SH3RF3: variants seen among roughly 807,000 people sequenced by gnomAD.
SH3RF3 encodes the protein E3 ubiquitin-protein ligase SH3RF3.
Under a neutral mutation model 66.3 loss-of-function variants are expected in SH3RF3, and 29 were observed. That is an observed-to-expected ratio of 0.44 (90% CI 0.33 to 0.60). SH3RF3 has a LOEUF of 0.60. Ranked by LOEUF, SH3RF3 falls within the 20% of genes least tolerant of loss-of-function variation. The probability of loss-of-function intolerance (pLI) is 0.04; values close to 1 mark genes in which losing one functional copy is unlikely to be tolerated. For synonymous variants in SH3RF3, 583 were observed against 532.0 expected, an observed-to-expected ratio of 1.10 and a Z score of -1.32; for missense variants, 1,194 against 1,190.9, an observed-to-expected ratio of 1.00 and a Z score of -0.04.
chr2:109,305,519 C>T (rs146701054), intron 1 of SH3RF3, among the ~76,000 whole-genome samples: 91 of 152,282 alleles, frequency 6.0e-4, no homozygotes, highest in African/African-American at 1.8e-3. Flanking sequence ...ACTTCCCACT[C>T]TGGGCGCAGA....
At chr2:109,384,196 C>T (rs113778276) in intron 3 of SH3RF3, among the ~76,000 whole-genome samples, 3,111 of 152,276 alleles carry the variant, frequency 0.02, 100 homozygotes, top group African/African-American at 0.071. Flanking sequence ...GCGCCGGCTG[C>T]GGGCCAGGCC....
intron 1 of SH3RF3, among the ~76,000 whole-genome samples, chr2:109,203,605 T>G (rs1377976537): frequency 1.3e-5 from 2 of 152,134 alleles, no homozygotes; most frequent in Non-Finnish European, 2.9e-5. Context: ...TTCTCCACTT[T>G]CCCTTTGCAC....
rs555798726 is a variant in SH3RF3, at chr2:109,478,844, C to T, written c.2149-11761C>T. Among the ~76,000 whole-genome samples the T allele has an allele frequency of 2.6e-5, 4 of 152,296 alleles. No homozygotes were observed. The South Asian group carries it at 8.3e-4, about 32-fold the overall frequency. ...CAGTTACTTTTGCTGCATAACAAAT[C>T]ATCTCAAAACTCAGTGGCTTAAAAC... is the stretch of plus-strand genomic sequence containing the variant. On this transcript the variant is annotated intron_variant, in intron 8 of 9. Coordinates refer to ENST00000309415, the MANE Select transcript of SH3RF3 (RefSeq NM_001099289.3).
At position 109,326,909 on chromosome 2, in the gene SH3RF3, C is replaced by T. The variant is rs189972969; in HGVS notation, c.574-20765C>T. On this transcript the variant is annotated intron_variant, in intron 1 of 9. Coordinates refer to ENST00000309415, the MANE Select transcript of SH3RF3 (RefSeq NM_001099289.3). Reference sequence around the variant, plus strand: ...GAGAGCAGGGGCTCACACCTGAGCACGCTGGCTCTACCATTCGGTTCCAGT... The same window carrying T: ...GAGAGCAGGGGCTCACACCTGAGCATGCTGGCTCTACCATTCGGTTCCAGT... Among the ~76,000 whole-genome samples, 236 of 152,306 alleles carry T rather than the reference C, an allele frequency of 1.5e-3. 1 individual carries two copies. The highest frequency in any genetic ancestry group is 5.2e-3 in the African/African-American group (218 of 41,578).
chr2:109,172,110 A>G (rs941856914), intron 1 of SH3RF3, among the ~76,000 whole-genome samples: 1 of 152,328 alleles, frequency 6.6e-6, no homozygotes, highest in Non-Finnish European at 1.5e-5. Flanking sequence ...AGTTCCAGGC[A>G]ATGACCTGGG....
At chr2:109,430,339 C>T (rs189310869) in intron 5 of SH3RF3, among the ~76,000 whole-genome samples, 128 of 152,330 alleles carry the variant, frequency 8.4e-4, no homozygotes, top group African/African-American at 2.9e-3. Context: ...TCAATTTGTG[C>T]GTCATTGTTA....
chr2:109,155,550 C>G (rs1677326709), intron 1 of SH3RF3, among the ~76,000 whole-genome samples: 1 of 152,204 alleles, frequency 6.6e-6, no homozygotes, highest in Non-Finnish European at 1.5e-5. Context: ...ATCCGCCTGC[C>G]TCAGCCTCCC....
At chr2:109,207,174 T>G (rs960725010) in intron 1 of SH3RF3, among the ~76,000 whole-genome samples, 2 of 152,158 alleles carry the variant, frequency 1.3e-5, no homozygotes, top group African/African-American at 4.8e-5. Context: ...AGTGCCACAT[T>G]TTAGAACTAT....
chr2:109,273,686 G>A (rs563273588), intron 1 of SH3RF3, among the ~76,000 whole-genome samples: 7 of 152,294 alleles, frequency 4.6e-5, no homozygotes, highest in South Asian at 2.1e-4. Context: ...GGGGACACAC[G>A]TTGTCAGGGA....
chr2:109,265,170 T>G (rs552314526), intron 1 of SH3RF3, among the ~76,000 whole-genome samples: 2 of 152,096 alleles, frequency 1.3e-5, no homozygotes, highest in South Asian at 4.1e-4. Flanking sequence ...GAAGGAACAT[T>G]GAAGAGAGCC....
chr2:109,382,636 C>G (rs567262175), intron 3 of SH3RF3, among the ~76,000 whole-genome samples: 2 of 152,220 alleles, frequency 1.3e-5, no homozygotes, highest in Admixed American at 6.5e-5. Context: ...CCTGTCACAT[C>G]TTCAAATCCT....
intron 2 of SH3RF3, among the ~76,000 whole-genome samples, chr2:109,357,103 T>G (rs540104963): frequency 8.0e-5 from 12 of 150,930 alleles, no homozygotes; most frequent in African/African-American, 2.7e-4. Context: ...TTAATACTTA[T>G]ACATAACATA....
intron 5 of SH3RF3, 88 bp downstream of exon 5, chr2:109,419,730 G>T: frequency 3.1e-6 from 4 of 1,300,600 alleles, no homozygotes; most frequent in Non-Finnish European, 3.2e-6. Context: ...GTTTCCGCAG[G>T]GTTTTCCCAT....
chr2:109,431,224 G>A (rs575633239), intron 5 of SH3RF3, among the ~76,000 whole-genome samples: 6 of 152,198 alleles, frequency 3.9e-5, no homozygotes, highest in South Asian at 2.1e-4. Flanking sequence ...TGCACAAGCC[G>A]CTGGATAGGG....
At chr2:109,416,423 C>T (rs988328578) in intron 4 of SH3RF3, among the ~76,000 whole-genome samples, 12 of 152,108 alleles carry the variant, frequency 7.9e-5, no homozygotes, top group African/African-American at 2.2e-4. Context: ...GGCGAAACCC[C>T]CCCGTTTCTA....
intron 1 of SH3RF3, among the ~76,000 whole-genome samples, chr2:109,174,839 A>G (rs756137451): frequency 3.9e-5 from 6 of 152,224 alleles, no homozygotes; most frequent in Non-Finnish European, 8.8e-5. Flanking sequence ...GGGATAGGAT[A>G]GCAGGAGCAC....
chr2:109,312,945 A>T (rs991586028), intron 1 of SH3RF3, among the ~76,000 whole-genome samples: 2 of 152,122 alleles, frequency 1.3e-5, no homozygotes, highest in African/African-American at 4.8e-5. Flanking sequence ...GAGCCGCCCT[A>T]TGTTTTCCAC....
chr2:109,319,727 G>A (rs1196538784), intron 1 of SH3RF3, among the ~76,000 whole-genome samples: 2 of 152,244 alleles, frequency 1.3e-5, no homozygotes, highest in African/African-American at 4.8e-5. Context: ...GTGGGCAGGT[G>A]CAGCCTGCCT....
chr2:109,229,985 C>T (rs749197726), intron 1 of SH3RF3, among the ~76,000 whole-genome samples: 29 of 151,762 alleles, frequency 1.9e-4, no homozygotes, highest in African/African-American at 4.4e-4. Context: ...CCAGTATGCC[C>T]GGCTAATTTT....
Sources: allele counts gnomAD v4.1 joint callset (sites outside exome capture counted in the v4.1 genomes callset), GRCh38; gene constraint gnomAD v4.1.1; transcripts MANE v1.5; gene names NCBI Gene and HGNC (gene_info 2026-07-23, HGNC 2026-07-21).